Variants in ASPH observed in about 807,000 individuals in gnomAD.
The protein encoded by ASPH is aspartyl/asparaginyl beta-hydroxylase.
A neutral mutation model predicts 118.4 loss-of-function variants in ASPH; 100 were observed. That is an observed-to-expected ratio of 0.84 (90% confidence interval 0.72 to 1.00). The LOEUF is 1.00. Ranked by LOEUF, ASPH falls within the 50% of genes least tolerant of loss-of-function variation. The pLI is 0.00. For synonymous variants in ASPH, 315 were observed against 325.6 expected (o/e 0.97, Z 0.35); for missense variants, 920 against 919.5 (o/e 1.00, Z -0.01).
intron 5 of ASPH, 108 bp downstream of exon 5, chr8:61,650,942 C>T: frequency 8.7e-7 from 1 of 1,153,922 alleles, no homozygotes. Flanking sequence ...TTTTAAAAAA[C>T]ACAAACACCC....
chr8:61,697,653 T>C (rs2151839071), intron 1 of ASPH, among the ~76,000 whole-genome samples: 1 of 152,216 alleles, frequency 6.6e-6, no homozygotes, highest in African/African-American at 2.4e-5. Context: ...GAAACACATT[T>C]ACTAGTTGAT....
At chr8:61,673,383 T>C (rs1178225665) in intron 3 of ASPH, among the ~76,000 whole-genome samples, 2 of 152,194 alleles carry the variant, frequency 1.3e-5, no homozygotes, top group African/African-American at 2.4e-5. Context: ...CCCAGAGTGC[T>C]GCTGTCTTGT....
rs142156842 is a variant in ASPH at position 61,609,056 on chromosome 8, C to T, written c.976+9922G>A. Among the ~76,000 whole-genome samples the T allele has an allele frequency of 2.3e-3, 357 of 152,220 alleles. 1 individual carries two copies. Among genetic ancestry groups the T allele is most frequent in the Non-Finnish European group, 4.1e-3 (277 of 68,020 alleles). On this transcript the variant is annotated intron_variant, in intron 14 of 24. Coordinates refer to ENST00000379454, the MANE Select transcript of ASPH (RefSeq NM_004318.4). ...AGCTTCAGGTGCTCTAGATGGAGGG[C>T]GAGGAGGAAAGGGGAAGTTAGATAA...
intron 24 of ASPH, among the ~76,000 whole-genome samples, chr8:61,512,054 T>C (rs1471036475): frequency 6.6e-6 from 1 of 152,122 alleles, no homozygotes; most frequent in East Asian, 1.9e-4. Context: ...TACAGCATGA[T>C]CCTAATTTTA....
At chr8:61,618,112 G>A (rs2150483587) in intron 14 of ASPH, among the ~76,000 whole-genome samples, 1 of 152,148 alleles carries the variant, frequency 6.6e-6, no homozygotes, top group East Asian at 1.9e-4. Context: ...AGTTAGAAAA[G>A]TTTTCATGAA....
At chr8:61,570,056 G>A (rs905508424) in intron 16 of ASPH, among the ~76,000 whole-genome samples, 7 of 152,080 alleles carry the variant, frequency 4.6e-5, no homozygotes, top group Non-Finnish European at 7.4e-5. Flanking sequence ...GACTTTCGAC[G>A]GGTTTACACC....
chr8:61,590,952 A>G (rs1840936722), intron 14 of ASPH, among the ~76,000 whole-genome samples: 1 of 152,138 alleles, frequency 6.6e-6, no homozygotes, highest in Non-Finnish European at 1.5e-5. Context: ...ATAACATTCT[A>G]TTACTATTAC....
Position 61,714,453 on chromosome 8 carries a change from C to T in ASPH, c.-82G>A, listed in dbSNP as rs889896046. ...ACACACGCGACGCGGGAACCGCTGG[C>T]GGCGGCGGGCCGCTGGAGCGGGTTC... On this transcript the variant is annotated 5_prime_UTR_variant, in exon 1 of 25. Transcript: ENST00000379454. 1.8e-5 allele frequency: 24 copies of T among 1,354,764 alleles called. No individual in the cohort carries two copies. The highest frequency in any genetic ancestry group is 3.7e-5 in the Admixed American group (1 of 27,192). 83.9% of individuals were successfully genotyped at this position (1,354,764 alleles called of 1,614,324 possible).
chr8:61,581,101 T>C (rs1047936569), intron 15 of ASPH, among the ~76,000 whole-genome samples: 9 of 152,216 alleles, frequency 5.9e-5, no homozygotes, highest in Admixed American at 5.9e-4. Flanking sequence ...GCTGTTAAAA[T>C]AATGGGATAT....
chr8:61,676,458 A>G (rs1022404120), intron 3 of ASPH: 104 of 798,516 alleles, frequency 1.3e-4, no homozygotes, highest in Non-Finnish European at 1.9e-4. Flanking sequence ...GAAAATAAAG[A>G]AGTCCATTAA....
In ASPH at chr8:61,638,176, T is replaced by A. The variant is rs567816800; in HGVS notation, c.832+146A>T. 1,920 of 1,208,152 alleles carry A rather than the reference T, an allele frequency of 1.6e-3. 24 individuals carry two copies. Among genetic ancestry groups the A allele is most frequent in the South Asian group, 3.6e-3 (251 of 70,298 alleles). 74.8% of individuals were successfully genotyped at this position (1,208,152 alleles called of 1,614,324 possible). The stretch of plus-strand genomic sequence containing the variant: ...AGTATTTATATTAGAATATTAACTT[T>A]AATTTTGATACTCAATTATTTTCTT... On this transcript the variant is annotated intron_variant, in intron 11 of 24. Coordinates refer to ENST00000379454, the MANE Select transcript of ASPH (RefSeq NM_004318.4).
In ASPH at chr8:61,561,077, AGGGAGGGAGGGAGGGAGGGAGAGAGGG is replaced by A. The variant is rs1278582282; in HGVS notation, c.1437+1640_1437+1666del. On this transcript the variant is annotated intron_variant, in intron 18 of 24. Coordinates refer to ENST00000379454, the MANE Select transcript of ASPH (RefSeq NM_004318.4). ...AAGGAAGGAACGAAGGAAGGGAGAG[AGGGAGGGAGGGAGGGAGGGAGAGAGGG>A]AGGGAGGGAGGGAGGGAGGGAGGGA... Among the ~76,000 whole-genome samples, 4 of 55,874 alleles carry A rather than the reference AGGGAGGGAGGGAGGGAGGGAGAGAGGG, an allele frequency of 7.2e-5. No individual in the cohort carries two copies. In the South Asian group the frequency reaches 2.9e-3, roughly 41 times the overall value. 36.7% of individuals were successfully genotyped at this position (55,874 alleles called of 152,430 possible).
At chr8:61,576,719 A>G (rs1300039673) in intron 16 of ASPH, 53 bp downstream of exon 16, 1 of 1,508,058 alleles carries the variant, frequency 6.6e-7, no homozygotes, top group Non-Finnish European at 9.0e-7. Context: ...ATTCAATCAC[A>G]CAAAACACAT....
rs140363749 is a variant in ASPH, at chr8:61,526,255, G to C, written c.1765-143C>G. ...GATTGCTTATATTTCAATTTCCTCT[G>C]GGACTTCTTGTCACAGCTATAAAAA... On this transcript the variant is annotated intron_variant, in intron 21 of 24. Transcript: ENST00000379454. The C allele has an allele frequency of 1.9e-3, 2,296 of 1,179,420 alleles. 30 individuals carry two copies. In the African/African-American group the frequency reaches 0.03, roughly 16 times the overall value. The allele number at this position is 1,179,420 out of a possible 1,614,324, so 73.1% of individuals were successfully genotyped here. A position where few individuals can be genotyped will look rare whatever the true frequency, so the allele number is the denominator to read the frequency against.
At chr8:61,553,511 T>C (rs1280455173) in intron 19 of ASPH, among the ~76,000 whole-genome samples, 1 of 152,246 alleles carries the variant, frequency 6.6e-6, no homozygotes, top group Non-Finnish European at 1.5e-5. Flanking sequence ...TAAACCAAAA[T>C]GTTTAACTGC....
chr8:61,508,517 T>C (rs1314159935), intron 24 of ASPH, among the ~76,000 whole-genome samples: 1 of 152,204 alleles, frequency 6.6e-6, no homozygotes, highest in Non-Finnish European at 1.5e-5. Flanking sequence ...TTACCATTGA[T>C]ATTAATAAGG....
At chr8:61,691,849 C>T (rs1044917807) in intron 1 of ASPH, among the ~76,000 whole-genome samples, 1 of 152,162 alleles carries the variant, frequency 6.6e-6, no homozygotes, top group Non-Finnish European at 1.5e-5. Flanking sequence ...CATAAATAAC[C>T]TTACCCCCAA....
In ASPH at chr8:61,668,323, G is replaced by C. The variant is rs149519675; in HGVS notation, c.322+12645C>G. ...AATAGGTTATAAACAGAAAATTTAA[G>C]GGAATTCAAAAATAAGTGTCTATTA... is the stretch of plus-strand genomic sequence containing the variant. On this transcript the variant is annotated intron_variant, in intron 3 of 24. Coordinates refer to ENST00000379454, the MANE Select transcript of ASPH (RefSeq NM_004318.4). The C allele has an allele frequency of 9.4e-3, 14,037 of 1,491,064 alleles. 95 individuals carry two copies. The highest frequency in any genetic ancestry group is 0.011 in the Non-Finnish European group (12,513 of 1,089,948). 92.4% of individuals were successfully genotyped at this position (1,491,064 alleles called of 1,614,324 possible).
chr8:61,607,399 A>G (rs1845904114), intron 14 of ASPH: 1 of 616,730 alleles, frequency 1.6e-6, no homozygotes, highest in Non-Finnish European at 2.9e-6. Context: ...ACTTTTAAAA[A>G]TGAACTCAAA....
Sources: gnomAD v4.1 joint callset for allele counts (sites outside exome capture counted in the v4.1 genomes callset) on GRCh38, gnomAD v4.1.1 for gene constraint, MANE v1.5 for transcripts, NCBI Gene and HGNC (gene_info 2026-07-23, HGNC 2026-07-21) for gene names.